Variants in PTPRG observed in about 807,000 individuals in gnomAD.
The protein encoded by PTPRG is protein tyrosine phosphatase receptor type G.
A neutral mutation model predicts 165.3 loss-of-function variants in PTPRG; 102 were observed. The ratio of observed to expected loss-of-function variants is 0.62; its 90% CI spans 0.53 to 0.73. The LOEUF (loss-of-function observed/expected upper bound fraction) is 0.73. PTPRG is among the 30% of genes least tolerant of loss of function. The pLI is 0.00. For missense variants in PTPRG, 1,866 were observed against 1,861.4 expected (o/e 1.00, Z -0.05); for synonymous variants, 675 against 669.5 (o/e 1.01, Z -0.13).
At chr3:61,772,243 A>G (rs2034232585) in intron 2 of PTPRG, among the ~76,000 whole-genome samples, 1 of 151,958 alleles carries the variant, frequency 6.6e-6, no homozygotes, top group South Asian at 2.1e-4. Context: ...CTTGGAGACT[A>G]CTTTGTCTAC....
intron 2 of PTPRG, among the ~76,000 whole-genome samples, chr3:61,826,848 T>TTTTC (rs1553676832): frequency 1.3e-5 from 2 of 151,106 alleles, no homozygotes. Flanking sequence ...TTTTTTTTTT[T>TTTTC]CCGATTATGT....
intron 8 of PTPRG, among the ~76,000 whole-genome samples, chr3:62,174,645 G>A (rs961754131): frequency 6.6e-6 from 1 of 152,090 alleles, no homozygotes; most frequent in East Asian, 1.9e-4. Flanking sequence ...ATCCATGACT[G>A]GTTTAAAAAA....
chr3:62,015,583 C>G (rs1044205123), intron 4 of PTPRG, among the ~76,000 whole-genome samples: 2 of 152,164 alleles, frequency 1.3e-5, no homozygotes, highest in African/African-American at 4.8e-5. Flanking sequence ...CTAATGCAAT[C>G]GTTCCACCCC....
At chr3:61,897,189 T>G (rs2038380435) in intron 2 of PTPRG, among the ~76,000 whole-genome samples, 1 of 152,132 alleles carries the variant, frequency 6.6e-6, no homozygotes, top group Non-Finnish European at 1.5e-5. Context: ...TTACCAAGAT[T>G]CTCTCCTATG....
At position 62,237,071 on chromosome 3, in the gene PTPRG, T is replaced by C. The variant is rs1310775126; in HGVS notation, c.2375+5760T>C. ...CTTTCTGCACTCAAGTTCAGCACTTTGCTTCTGAAAAATATTGGTCACTAA... is the reference window on the plus strand; with the variant it reads ...CTTTCTGCACTCAAGTTCAGCACTTCGCTTCTGAAAAATATTGGTCACTAA... On this transcript the variant is annotated intron_variant, in intron 14 of 29. Coordinates refer to ENST00000474889, the MANE Select transcript of PTPRG (RefSeq NM_002841.4). This position sits in a 1 kb window ranked among gnomAD's most constrained non-coding sequence, Gnocchi z 4.5. 3.9e-5 allele frequency among the ~76,000 whole-genome samples: 6 copies of C among 152,200 alleles called. No individual in the cohort carries two copies. The highest frequency in any genetic ancestry group is 1.4e-4 in the African/African-American group (6 of 41,454).
At chr3:61,991,511 G>A (rs2040889485) in intron 3 of PTPRG, among the ~76,000 whole-genome samples, 2 of 152,164 alleles carry the variant, frequency 1.3e-5, no homozygotes, top group Non-Finnish European at 1.5e-5. Flanking sequence ...TGGCCTGTAC[G>A]TACCTTTTCA....
At chr3:61,649,973 G>T (rs1340374887) in intron 1 of PTPRG, among the ~76,000 whole-genome samples, 1 of 152,124 alleles carries the variant, frequency 6.6e-6, no homozygotes, top group Admixed American at 6.5e-5. Context: ...GTAGCCTGAA[G>T]GTCCTAATAA....
At chr3:61,639,197 T>C (rs1307762566) in intron 1 of PTPRG, among the ~76,000 whole-genome samples, 1 of 152,224 alleles carries the variant, frequency 6.6e-6, no homozygotes, top group Non-Finnish European at 1.5e-5. Context: ...TTGTGGACTT[T>C]GTTGAAGATC....
chr3:61,976,797 T>G lies in PTPRG; in HGVS notation c.191-12828T>G, dbSNP rs76257316. On this transcript the variant is annotated intron_variant, in intron 2 of 29. Transcript: ENST00000474889. ...TCAAGCAATTTTCCTTGCCTCAGCC[T>G]CCCGAGTAGCTGGGATTACAGGCGC... 4.4e-3 allele frequency among the ~76,000 whole-genome samples: 674 copies of G among 152,014 alleles called. 4 individuals are homozygous for G. The highest frequency in any genetic ancestry group is 0.015 in the African/African-American group (602 of 41,456).
At chr3:62,041,401 G>C (rs555627261) in intron 4 of PTPRG, among the ~76,000 whole-genome samples, 17 of 152,140 alleles carry the variant, frequency 1.1e-4, no homozygotes, top group Non-Finnish European at 2.5e-4. Flanking sequence ...AAAAGGTTGA[G>C]ATGATACCAT....
intron 4 of PTPRG, among the ~76,000 whole-genome samples, chr3:62,070,646 G>A (rs1010496294): frequency 1.2e-4 from 19 of 152,146 alleles, no homozygotes; most frequent in African/African-American, 3.4e-4. Flanking sequence ...AATACTAGCC[G>A]TTACAAAATA....
chr3:61,744,385 A>C (rs1022404830), intron 1 of PTPRG, among the ~76,000 whole-genome samples: 1 of 152,190 alleles, frequency 6.6e-6, no homozygotes, highest in Admixed American at 6.5e-5. Flanking sequence ...CTTAGATGGA[A>C]TAGCCAGCCC....
At chr3:61,921,648 G>C (rs1406797) in intron 2 of PTPRG, among the ~76,000 whole-genome samples, 56,031 of 152,044 alleles carry the variant, frequency 0.37, 11,303 homozygotes, top group South Asian at 0.56. Flanking sequence ...ATATGTGAAA[G>C]TTAAATGAAT....
intron 1 of PTPRG, among the ~76,000 whole-genome samples, chr3:61,636,548 C>A (rs749235131): frequency 3.9e-5 from 6 of 152,202 alleles, no homozygotes; most frequent in Admixed American, 1.3e-4. Flanking sequence ...TCTCGAACTC[C>A]CGGCCTCAAG....
At chr3:62,201,767 T>G (rs1274279518) in intron 11 of PTPRG, among the ~76,000 whole-genome samples, 1 of 152,240 alleles carries the variant, frequency 6.6e-6, no homozygotes, top group Non-Finnish European at 1.5e-5. Flanking sequence ...TATATAATTT[T>G]GTGAAGGTAA....
Position 61,562,025 on chromosome 3 carries a change from C to A in PTPRG, c.-263C>A. The A allele has an allele frequency of 2.3e-6, 1 of 443,634 alleles. No homozygotes were observed. The highest frequency in any genetic ancestry group is 4.1e-6 in the Non-Finnish European group (1 of 246,400). The allele number at this position is 443,634 out of a possible 1,614,324, so 27.5% of individuals were successfully genotyped here. On this transcript the variant is annotated 5_prime_UTR_variant, in exon 1 of 30. Transcript: ENST00000474889. ...CGCGCCCTGCCCGATCGGCTCTCTC[C>A]TTTTTAAACGGAAAGCAGCCTTTCT... is the stretch of plus-strand genomic sequence containing the variant.
intron 3 of PTPRG, among the ~76,000 whole-genome samples, chr3:61,991,388 T>C (rs1240551878): frequency 6.6e-6 from 1 of 152,170 alleles, no homozygotes; most frequent in Non-Finnish European, 1.5e-5. Context: ...GTGTTTTTAG[T>C]AGAGACGGAA....
At chr3:62,183,287 G>A (rs1705731171) in intron 8 of PTPRG, among the ~76,000 whole-genome samples, 2 of 152,284 alleles carry the variant, frequency 1.3e-5, no homozygotes, top group South Asian at 2.1e-4. Flanking sequence ...AGAGTAGGCC[G>A]GGCGCGGGGC....
intron 2 of PTPRG, among the ~76,000 whole-genome samples, chr3:61,979,622 A>G (rs1412870104): frequency 6.6e-6 from 1 of 152,210 alleles, no homozygotes; most frequent in Non-Finnish European, 1.5e-5. Flanking sequence ...GAAGTTACTT[A>G]CACTATGAAT....
Sources: allele counts gnomAD v4.1 joint callset (sites outside exome capture counted in the v4.1 genomes callset), GRCh38; gene constraint gnomAD v4.1.1; non-coding constraint Gnocchi (gnomAD v3.1); transcripts MANE v1.5; gene names NCBI Gene and HGNC (gene_info 2026-07-23, HGNC 2026-07-21).